Variants in METTL8 observed in about 807,000 individuals in gnomAD.
The protein encoded by METTL8 is methyltransferase 8, tRNA N3-cytidine.
A neutral mutation model predicts 48.7 loss-of-function variants in METTL8; 32 were observed. The observed-to-expected ratio is 0.66, with a 90% CI of 0.50 to 0.88. The LOEUF (loss-of-function observed/expected upper bound fraction) is 0.88, where lower values mean the gene tolerates loss of function less well. METTL8 is among the 40% of genes least tolerant of loss of function. The pLI is 0.00. For synonymous variants in METTL8, 136 were observed against 157.1 expected (o/e 0.87, Z 1.01); for missense variants, 464 against 474.4 (o/e 0.98, Z 0.20).
chr2:171,401,772 C>T (rs760255238), intron 1 of METTL8, among the ~76,000 whole-genome samples: 23 of 152,066 alleles, frequency 1.5e-4, no homozygotes, highest in South Asian at 4.2e-4. Flanking sequence ...CTTCTATGTA[C>T]GGAAGAAGGA....
At chr2:171,431,904 C>T (rs1364051158) in intron 1 of METTL8, among the ~76,000 whole-genome samples, 1 of 152,254 alleles carries the variant, frequency 6.6e-6, no homozygotes, top group African/African-American at 2.4e-5. Flanking sequence ...CCACCACCTT[C>T]CCCTAGTCTG....
At position 171,326,138 on chromosome 2, in the gene METTL8, C is replaced by A; in HGVS notation, c.871G>T (p.Val291Phe). Residue 291 changes from valine (V) to phenylalanine (F), a missense_variant, in exon 8 of 10, where the codon GTT becomes TTT. Coordinates refer to ENST00000375258, the MANE Select transcript of METTL8 (RefSeq NM_001321154.2). ...SSIHPDRMQGVVNRLSKLLKP... is the reference protein window; with the variant it reads ...SSIHPDRMQGFVNRLSKLLKP... ...AGTAACTTGGACAGTCGGTTTACAA[C>A]ACCTTGCATCCTTTGGAAACAAAGT... 3 of 1,523,364 alleles carry A rather than the reference C, an allele frequency of 2.0e-6. No individual in the cohort carries two copies. The highest frequency in any genetic ancestry group is 2.7e-6 in the Non-Finnish European group (3 of 1,124,614). 94.4% of individuals were successfully genotyped at this position (1,523,364 alleles called of 1,614,324 possible).
chr2:171,326,286 A>G (rs1194289321), intron 7 of METTL8, 138 bp from the exon 8 acceptor site: 1 of 552,308 alleles, frequency 1.8e-6, no homozygotes, highest in African/African-American at 2.0e-5. Context: ...AAGGGTAACA[A>G]AAATAAAAAT....
chr2:171,331,695 G>C, intron 6 of METTL8, 109 bp downstream of exon 6: 2 of 841,406 alleles, frequency 2.4e-6, no homozygotes, highest in Non-Finnish European at 3.9e-6. Flanking sequence ...GGGATTACAG[G>C]TGTGAGCCAC....
chr2:171,426,152 A>G lies in METTL8; in HGVS notation c.-13+7731T>C, dbSNP rs546241131. Among the ~76,000 whole-genome samples, 5 of 152,304 alleles carry G rather than the reference A, an allele frequency of 3.3e-5. No individual in the cohort carries two copies. In the South Asian group the frequency reaches 1.0e-3, roughly 32 times the overall value. ...AGCCTGGGCAATAGAGTAAGACTCC[A>G]TTTCAAAAAACACAAAAACAAAACA... On this transcript the variant is annotated intron_variant, in intron 1 of 9. Transcript: ENST00000375258.
chr2:171,328,981 GCC>G (rs1685242951), intron 7 of METTL8, among the ~76,000 whole-genome samples: 1 of 137,580 alleles, frequency 7.3e-6, no homozygotes, highest in African/African-American at 2.8e-5. Context: ...GAGCCACAGC[GCC>G]CAGCCTTTTA....
chr2:171,411,389 G>T (rs1690733615), intron 1 of METTL8, among the ~76,000 whole-genome samples: 1 of 152,182 alleles, frequency 6.6e-6, no homozygotes, highest in African/African-American at 2.4e-5. Context: ...TGGAGTTGGG[G>T]GATGGTGTGT....
chr2:171,325,293 C>T (rs1329022798), intron 9 of METTL8, among the ~76,000 whole-genome samples: 1 of 152,092 alleles, frequency 6.6e-6, no homozygotes, highest in Non-Finnish European at 1.5e-5. Flanking sequence ...TCAAGTGATC[C>T]TTCCACCTTA....
chr2:171,347,192 A>C (rs1297746043), intron 3 of METTL8, among the ~76,000 whole-genome samples: 9 of 152,334 alleles, frequency 5.9e-5, no homozygotes, highest in African/African-American at 2.2e-4. Flanking sequence ...TCTCTGCAGC[A>C]GTCAGAAAAC....
At chr2:171,370,728 T>C (rs1574016802) in intron 2 of METTL8, among the ~76,000 whole-genome samples, 1 of 152,122 alleles carries the variant, frequency 6.6e-6, no homozygotes, top group Non-Finnish European at 1.5e-5. Flanking sequence ...GAGGCGGAGC[T>C]TGCAGTGAGC....
intron 1 of METTL8, among the ~76,000 whole-genome samples, chr2:171,393,712 G>A (rs898610618): frequency 1.3e-5 from 2 of 152,162 alleles, no homozygotes; most frequent in Non-Finnish European, 2.9e-5. Flanking sequence ...AAAGGTGTGT[G>A]TATGTAATAT....
At chr2:171,371,114 A>G (rs1326244910) in intron 2 of METTL8, among the ~76,000 whole-genome samples, 2 of 152,214 alleles carry the variant, frequency 1.3e-5, no homozygotes, top group African/African-American at 4.8e-5. Flanking sequence ...AAACTGTAAA[A>G]ATGTCATGAT....
At chr2:171,373,592 T>C (rs140370697) in intron 2 of METTL8, among the ~76,000 whole-genome samples, 3,453 of 152,332 alleles carry the variant, frequency 0.023, 127 homozygotes, top group African/African-American at 0.077. Flanking sequence ...TAGGTATTCT[T>C]CTAGAGTTTT....
chr2:171,409,958 C>T (rs1368752652), intron 1 of METTL8, among the ~76,000 whole-genome samples: 1 of 152,044 alleles, frequency 6.6e-6, no homozygotes, highest in Non-Finnish European at 1.5e-5. Context: ...AGACTCCTCA[C>T]CCACAAAGAA....
rs1684349994 is a variant in METTL8 at position 171,318,127 on chromosome 2, T to C, written c.*6045A>G. 6.6e-6 allele frequency: 1 copy of C among 152,234 alleles called. No homozygotes were observed. The allele number at this position is 152,234 out of a possible 1,614,324, so 9.4% of individuals were successfully genotyped here. Reference sequence around the variant, plus strand: ...AGATTTTGGCATCCACTTTTCTCTGTAGCTTTGAGGCCACAATATAGATTC... The same window carrying C: ...AGATTTTGGCATCCACTTTTCTCTGCAGCTTTGAGGCCACAATATAGATTC... On this transcript the variant is annotated 3_prime_UTR_variant, in exon 10 of 10. Coordinates refer to ENST00000375258, the MANE Select transcript of METTL8 (RefSeq NM_001321154.2).
chr2:171,400,409 T>C (rs1689529588), intron 1 of METTL8, among the ~76,000 whole-genome samples: 1 of 152,202 alleles, frequency 6.6e-6, no homozygotes, highest in Admixed American at 6.6e-5. Context: ...ATGGGGTTGC[T>C]AATTTTGTTG....
intron 1 of METTL8, among the ~76,000 whole-genome samples, chr2:171,429,237 A>C (rs913131674): frequency 1.3e-5 from 2 of 152,228 alleles, no homozygotes; most frequent in African/African-American, 4.8e-5. Context: ...GTGTATTGCT[A>C]AACAAGTGGT....
At chr2:171,393,688 G>A (rs1688797345) in intron 1 of METTL8, among the ~76,000 whole-genome samples, 1 of 152,148 alleles carries the variant, frequency 6.6e-6, no homozygotes, top group Admixed American at 6.5e-5. Context: ...GCTGTCAGGT[G>A]GAAACAGATG....
chr2:171,424,124 C>T (rs934443502), intron 1 of METTL8, among the ~76,000 whole-genome samples: 5 of 152,168 alleles, frequency 3.3e-5, no homozygotes, highest in African/African-American at 7.2e-5. Flanking sequence ...ATTGGGCCTG[C>T]GGGTGCACAG....
Sources: allele counts gnomAD v4.1 joint callset (sites outside exome capture counted in the v4.1 genomes callset), GRCh38; gene constraint gnomAD v4.1.1; transcripts MANE v1.5; gene names NCBI Gene and HGNC (gene_info 2026-07-23, HGNC 2026-07-21).